PEPD: variants seen among roughly 807,000 people sequenced by gnomAD.
PEPD encodes peptidase D.
PEPD carries 53 observed loss-of-function variants against 60.7 expected under a neutral mutation model. The observed-to-expected ratio is 0.87, with a 90% CI of 0.70 to 1.10. PEPD has a LOEUF of 1.10. PEPD is among the 50% of genes least tolerant of loss of function. The pLI is 0.00. For synonymous variants in PEPD, 267 were observed against 284.1 expected (o/e 0.94, Z 0.60); for missense variants, 711 against 711.9 (o/e 1.00, Z 0.01).
intron 12 of PEPD, among the ~76,000 whole-genome samples, chr19:33,397,357 G>C (rs1483816190): frequency 1.3e-5 from 2 of 152,110 alleles, no homozygotes; most frequent in Non-Finnish European, 2.9e-5. Flanking sequence ...CAGTCGGGCA[G>C]TCTCGGTGGG....
rs1970913666 is a variant in PEPD at position 33,510,918 on chromosome 19, C to A, written c.329+110G>T. The A allele has an allele frequency of 1.8e-5, 21 of 1,158,614 alleles. No individual in the cohort carries two copies. The South Asian group carries it at 2.8e-4, about 15-fold the overall frequency. The allele number at this position is 1,158,614 out of a possible 1,614,324, so 71.8% of individuals were successfully genotyped here. ...ACCGCATGCCCTTCCTCCTGCAGCTCTTCCCTCCTCCCCGTCCCCAGGCCC... is the reference window on the plus strand; with the variant it reads ...ACCGCATGCCCTTCCTCCTGCAGCTATTCCCTCCTCCCCGTCCCCAGGCCC... On this transcript the variant is annotated intron_variant, in intron 3 of 14. Coordinates refer to ENST00000244137, the MANE Select transcript of PEPD (RefSeq NM_000285.4).
At position 33,411,696 on chromosome 19, in the gene PEPD, C is replaced by T. The variant is rs200351927; in HGVS notation, c.794G>A (p.Arg265Gln). 218 of 1,609,296 alleles carry T rather than the reference C, an allele frequency of 1.4e-4. No homozygotes were observed. The African/African-American group carries it at 2.0e-3, about 15-fold the overall frequency. ...CCACATATCCCCATTCTGGATCGTT[C>T]GGTCGTTGGGAGCTCCGGCGTGTCC... Reference protein sequence around the residue: ...HYGHAGAPNDRTIQNGDMCLF... With the variant: ...HYGHAGAPNDQTIQNGDMCLF... Residue 265 changes from arginine to glutamine, a missense_variant, in exon 11 of 15, where the codon CGA becomes CAA. Physicochemically the swap from Arg to Gln is conservative, Grantham distance 43. Transcript: ENST00000244137.
intron 1 of PEPD, among the ~76,000 whole-genome samples, chr19:33,517,990 T>C (rs1390355103): frequency 1.3e-5 from 2 of 149,586 alleles, no homozygotes; most frequent in East Asian, 1.9e-4. Flanking sequence ...GAGCCACTTC[T>C]AGACAGGGTC....
chr19:33,439,366 G>GAGC (rs1459390060), intron 9 of PEPD, among the ~76,000 whole-genome samples: 1 of 152,204 alleles, frequency 6.6e-6, no homozygotes, highest in Admixed American at 6.5e-5. Flanking sequence ...GGACCCTGAG[G>GAGC]AGCAGCACCA....
At chr19:33,463,849 T>C in intron 8 of PEPD, 138 bp downstream of exon 8, 1 of 711,910 alleles carries the variant, frequency 1.4e-6, no homozygotes. Flanking sequence ...AAGAGAACAA[T>C]CACTGTGTAA....
Position 33,387,179 on chromosome 19 carries a change from G to A in PEPD, c.*165C>T. The stretch of plus-strand genomic sequence containing the variant: ...CCTGCAAAAGGGTAATTAAAAAAGT[G>A]TTTCCTCCCCGGGAAACAGCACTGT... On this transcript the variant is annotated 3_prime_UTR_variant, in exon 15 of 15. Coordinates refer to ENST00000244137, the MANE Select transcript of PEPD (RefSeq NM_000285.4). 1.3e-6 allele frequency: 1 copy of A among 746,632 alleles called. No individual in the cohort carries two copies. Among genetic ancestry groups the A allele is most frequent in the Non-Finnish European group, 2.2e-6 (1 of 455,544 alleles). 46.3% of individuals were successfully genotyped at this position (746,632 alleles called of 1,614,324 possible).
chr19:33,521,607 G>A (rs1971136713), intron 1 of PEPD, 137 bp downstream of exon 1: 3 of 951,870 alleles, frequency 3.2e-6, no homozygotes, highest in Non-Finnish European at 4.9e-6. Context: ...CCGGCGCTGG[G>A]ACTCCGGGCC....
chr19:33,483,327 T>A (rs181182015), intron 6 of PEPD, among the ~76,000 whole-genome samples: 49 of 152,276 alleles, frequency 3.2e-4, no homozygotes, highest in African/African-American at 1.2e-3. Context: ...AGCCAAAAGC[T>A]GCTCTTCGAT....
At chr19:33,480,813 C>CGT (rs67751032) in intron 6 of PEPD, among the ~76,000 whole-genome samples, 40,324 of 127,682 alleles carry the variant, frequency 0.32, 6,044 homozygotes, top group Non-Finnish European at 0.39. Flanking sequence ...ATATATATAG[C>CGT]GTGTGTGTGT....
intron 10 of PEPD, among the ~76,000 whole-genome samples, chr19:33,412,392 T>C (rs886415096): frequency 7.6e-4 from 116 of 152,166 alleles, no homozygotes; most frequent in African/African-American, 2.6e-3. Context: ...TTCCTGGGCC[T>C]GGAGAAGGGC....
At chr19:33,481,767 G>A (rs1168529005) in intron 6 of PEPD, among the ~76,000 whole-genome samples, 4 of 152,128 alleles carry the variant, frequency 2.6e-5, no homozygotes, top group Non-Finnish European at 5.9e-5. Flanking sequence ...AGTGGCTCAT[G>A]CCTGTAATCC....
chr19:33,416,049 CAG>C lies in PEPD; in HGVS notation c.672-2408_672-2407del, dbSNP rs149272548. Among the ~76,000 whole-genome samples the C allele has an allele frequency of 2.2e-3, 331 of 152,298 alleles. 7 individuals carry two copies. The East Asian group carries it at 0.055, about 25-fold the overall frequency. On this transcript the variant is annotated intron_variant, in intron 9 of 14. Transcript: ENST00000244137. ...CAAGTTCTGGGCAGCTGTGGCGGCACAGGGGGCCTGTGGAAGCGTGTGAGCCC... is the reference window on the plus strand; with the variant it reads ...CAAGTTCTGGGCAGCTGTGGCGGCACGGGGCCTGTGGAAGCGTGTGAGCCC...
rs879060711 is a variant in PEPD, at chr19:33,388,084, G to T, written c.1153-3C>A. Reference sequence around the variant, plus strand: ...GGCTCGTCGATGCGCTCCACGCCCTGTGGGGAACAGAGGTGAGGGGCCTGA... The same window carrying T: ...GGCTCGTCGATGCGCTCCACGCCCTTTGGGGAACAGAGGTGAGGGGCCTGA... On this transcript the variant is annotated splice_polypyrimidine_tract_variant and splice_region_variant and intron_variant, in intron 13 of 14. Coordinates refer to ENST00000244137, the MANE Select transcript of PEPD (RefSeq NM_000285.4). 1 of 1,545,908 alleles carries T rather than the reference G, an allele frequency of 6.5e-7. No individual in the cohort carries two copies. Among genetic ancestry groups the T allele is most frequent in the Admixed American group, 2.0e-5 (1 of 51,060 alleles).
chr19:33,491,494 A>G (rs1352654712), intron 5 of PEPD, among the ~76,000 whole-genome samples: 1 of 152,218 alleles, frequency 6.6e-6, no homozygotes, highest in African/African-American at 2.4e-5. Flanking sequence ...GCACTTGAAC[A>G]TAAATTTAAT....
At chr19:33,390,811 G>A (rs1238674927) in intron 13 of PEPD, among the ~76,000 whole-genome samples, 1 of 152,196 alleles carries the variant, frequency 6.6e-6, no homozygotes, top group Non-Finnish European at 1.5e-5. Flanking sequence ...CCTGGGAGGA[G>A]AGGGCGAACC....
intron 9 of PEPD, among the ~76,000 whole-genome samples, chr19:33,456,824 T>C (rs1367328422): frequency 6.6e-6 from 1 of 152,044 alleles, no homozygotes; most frequent in Admixed American, 6.5e-5. Context: ...GTCTCACTGA[T>C]GCCCACATTT....
At chr19:33,403,509 AAC>A (rs1968550026) in intron 11 of PEPD, among the ~76,000 whole-genome samples, 2 of 152,120 alleles carry the variant, frequency 1.3e-5, no homozygotes. Context: ...TCTCACGGTA[AAC>A]ACAACCACTC....
intron 11 of PEPD, among the ~76,000 whole-genome samples, chr19:33,407,266 G>A (rs1031376200): frequency 1.3e-5 from 2 of 152,224 alleles, no homozygotes; most frequent in African/African-American, 4.8e-5. Flanking sequence ...GACCTGGGGC[G>A]GCCTCAGGCC....
intron 9 of PEPD, among the ~76,000 whole-genome samples, chr19:33,417,106 A>C (rs1217443367): frequency 2.6e-5 from 4 of 152,258 alleles, no homozygotes; most frequent in Non-Finnish European, 5.9e-5. Flanking sequence ...GCAGCTGCCC[A>C]GACAGCGGTA....
Sources: allele counts gnomAD v4.1 joint callset (sites outside exome capture counted in the v4.1 genomes callset), GRCh38; gene constraint gnomAD v4.1.1; transcripts MANE v1.5; gene names NCBI Gene and HGNC (gene_info 2026-07-23, HGNC 2026-07-21).